Variants in FSTL5 observed in about 807,000 individuals in gnomAD.
FSTL5 encodes follistatin-related protein 5.
A neutral mutation model predicts 89.1 loss-of-function variants in FSTL5; 62 were observed. The ratio of observed to expected loss-of-function variants is 0.70; its 90% CI spans 0.57 to 0.86. FSTL5 has a LOEUF of 0.86. Ranked by LOEUF, FSTL5 falls within the 40% of genes least tolerant of loss-of-function variation. The probability of loss-of-function intolerance (pLI) is 0.00; values close to 1 mark genes in which losing one functional copy is unlikely to be tolerated. For synonymous variants in FSTL5, 383 were observed against 346.2 expected, an observed-to-expected ratio of 1.11 and a Z score of -1.18; for missense variants, 1,057 against 1,001.6, an observed-to-expected ratio of 1.06 and a Z score of -0.75.
chr4:161,563,703 C>T (rs1392433768), intron 8 of FSTL5, among the ~76,000 whole-genome samples: 1 of 151,950 alleles, frequency 6.6e-6, no homozygotes, highest in Non-Finnish European at 1.5e-5. Flanking sequence ...GCTATCTTTT[C>T]TGTAGTCTTA....
intron 3 of FSTL5, among the ~76,000 whole-genome samples, chr4:162,009,031 C>G (rs189536090): frequency 6.6e-6 from 1 of 152,018 alleles, no homozygotes; most frequent in African/African-American, 2.4e-5. Flanking sequence ...AAGTTCCTAA[C>G]GTCCTACAAA....
chr4:161,733,135 T>C lies in FSTL5; in HGVS notation c.727+26276A>G, dbSNP rs77357107. 1.7e-4 allele frequency among the ~76,000 whole-genome samples: 26 copies of C among 152,062 alleles called. No individual in the cohort carries two copies. In the East Asian group the frequency reaches 5.0e-3, roughly 29 times the overall value. On this transcript the variant is annotated intron_variant, in intron 6 of 15. Coordinates refer to ENST00000306100, the MANE Select transcript of FSTL5 (RefSeq NM_020116.5). ...TCCTGAACATGATTTACTTCTCCAT[T>C]TGTTTCTTCTTTAATTTCTCTCATA...
At chr4:161,848,709 A>G (rs1016012384) in intron 4 of FSTL5, among the ~76,000 whole-genome samples, 1 of 152,124 alleles carries the variant, frequency 6.6e-6, no homozygotes, top group African/African-American at 2.4e-5. Flanking sequence ...TCTACTCCAT[A>G]TCGTCGTCAT....
chr4:162,134,265 T>C (rs1430969172), intron 1 of FSTL5, among the ~76,000 whole-genome samples: 1 of 152,170 alleles, frequency 6.6e-6, no homozygotes, highest in Non-Finnish European at 1.5e-5. Flanking sequence ...GGAGGCTTAG[T>C]GGAAGTGACC....
Position 161,874,673 on chromosome 4 carries a change from G to A in FSTL5, c.409+45731C>T, listed in dbSNP as rs532333882. 2.1e-4 allele frequency among the ~76,000 whole-genome samples: 31 copies of A among 149,598 alleles called. 1 individual carries two copies. In the East Asian group the frequency reaches 4.7e-3, roughly 23 times the overall value. On this transcript the variant is annotated intron_variant, in intron 4 of 15. Coordinates refer to ENST00000306100, the MANE Select transcript of FSTL5 (RefSeq NM_020116.5). ...TTCAGGGTAGTACCTTGGGGTATAC[G>A]TTTGAGTTGATGAATCTTCTTTTCG...
At chr4:161,468,951 T>A in intron 13 of FSTL5, among the ~76,000 whole-genome samples, 1 of 152,166 alleles carries the variant, frequency 6.6e-6, no homozygotes, top group East Asian at 1.9e-4. Context: ...AAATTTACCA[T>A]CTTAACCATT....
At chr4:162,092,419 T>C (rs1271867367) in intron 2 of FSTL5, among the ~76,000 whole-genome samples, 1 of 152,196 alleles carries the variant, frequency 6.6e-6, no homozygotes. Flanking sequence ...AAATATAAGT[T>C]TTCTGTTGGG....
intron 15 of FSTL5, among the ~76,000 whole-genome samples, chr4:161,399,674 A>G (rs931935555): frequency 2.6e-5 from 4 of 152,136 alleles, no homozygotes; most frequent in Non-Finnish European, 2.9e-5. Context: ...TGCATTGAAC[A>G]TGGTCAAGAA....
chr4:161,695,435 G>GTGTGTGTA (rs1255632747), intron 6 of FSTL5, among the ~76,000 whole-genome samples: 1 of 132,936 alleles, frequency 7.5e-6, no homozygotes. Flanking sequence ...GTGTGTGTGT[G>GTGTGTGTA]TGTGTGTGTG....
At chr4:162,081,843 G>A (rs1246574851) in intron 2 of FSTL5, among the ~76,000 whole-genome samples, 5 of 150,342 alleles carry the variant, frequency 3.3e-5, no homozygotes, top group South Asian at 4.2e-4. Flanking sequence ...TTCTTAAGCC[G>A]ACAAAATTTA....
chr4:161,601,168 T>A (rs967198483), intron 7 of FSTL5, among the ~76,000 whole-genome samples: 2 of 151,998 alleles, frequency 1.3e-5, no homozygotes, highest in Non-Finnish European at 1.5e-5. Context: ...ACTTCACAAT[T>A]TGCTCTTCAG....
At chr4:161,888,970 G>T (rs1732901888) in intron 4 of FSTL5, among the ~76,000 whole-genome samples, 2 of 151,974 alleles carry the variant, frequency 1.3e-5, no homozygotes, top group African/African-American at 4.8e-5. Context: ...GGACATTCTT[G>T]TGTTGTAAAT....
chr4:161,718,468 AC>A (rs1739077415), intron 6 of FSTL5, among the ~76,000 whole-genome samples: 1 of 151,662 alleles, frequency 6.6e-6, no homozygotes, highest in African/African-American at 2.4e-5. Flanking sequence ...TCACTCTGTC[AC>A]CCAGCCTGGA....
At chr4:161,454,260 C>A (rs572596487) in intron 15 of FSTL5, among the ~76,000 whole-genome samples, 73 of 152,244 alleles carry the variant, frequency 4.8e-4, no homozygotes, top group African/African-American at 1.7e-3. Flanking sequence ...GTTTCAGATT[C>A]ATTTTTAACA....
intron 6 of FSTL5, among the ~76,000 whole-genome samples, chr4:161,695,611 C>G (rs1040288471): frequency 4.6e-5 from 7 of 152,018 alleles, no homozygotes; most frequent in African/African-American, 1.7e-4. Flanking sequence ...CGTGTAATGA[C>G]TGCCAACATC....
chr4:161,428,966 G>A (rs1732259744), intron 15 of FSTL5, among the ~76,000 whole-genome samples: 3 of 151,784 alleles, frequency 2.0e-5, no homozygotes, highest in Non-Finnish European at 4.4e-5. Flanking sequence ...ATGACATTTA[G>A]GACCTACCCT....
rs1560840948 is a variant in FSTL5, at chr4:161,779,797, A to ATGTG, written c.410-3724_410-3723insCACA. Among the ~76,000 whole-genome samples the ATGTG allele has an allele frequency of 8.8e-4, 46 of 52,200 alleles. 1 individual carries two copies. In the South Asian group the frequency reaches 0.024, roughly 27 times the overall value. The allele number at this position is 52,200 out of a possible 152,430, so 34.2% of individuals were successfully genotyped here. ...TATGTATATATATATATATATATAT[A>ATGTG]TATATATATATATGTATATATATAT... is the stretch of plus-strand genomic sequence containing the variant. On this transcript the variant is annotated intron_variant, in intron 4 of 15. Transcript: ENST00000306100.
intron 6 of FSTL5, among the ~76,000 whole-genome samples, chr4:161,675,436 A>G (rs1737269101): frequency 6.6e-6 from 1 of 151,510 alleles, no homozygotes; most frequent in South Asian, 2.1e-4. Context: ...TTAATATTAT[A>G]TAACTCATAT....
intron 4 of FSTL5, among the ~76,000 whole-genome samples, chr4:161,861,596 C>T (rs567750391): frequency 7.9e-5 from 12 of 152,184 alleles, no homozygotes; most frequent in African/African-American, 2.9e-4. Context: ...ATCCAGCAGT[C>T]CAATTTTGGG....
Sources: gnomAD v4.1 joint callset for allele counts (sites outside exome capture counted in the v4.1 genomes callset) on GRCh38, gnomAD v4.1.1 for gene constraint, MANE v1.5 for transcripts, NCBI Gene and HGNC (gene_info 2026-07-23, HGNC 2026-07-21) for gene names.